DLEC1: variants seen among roughly 807,000 people sequenced by gnomAD.
DLEC1 encodes the protein deleted in lung and esophageal cancer protein 1.
DLEC1 carries 146 observed loss-of-function variants against 198.1 expected under a neutral mutation model. The ratio of observed to expected loss-of-function variants is 0.74; its 90% confidence interval spans 0.64 to 0.85. DLEC1 has a LOEUF of 0.85. Ranked by LOEUF, DLEC1 falls within the 40% of genes least tolerant of loss-of-function variation. The pLI, the probability that DLEC1 is intolerant of heterozygous loss-of-function variation, is 0.00. For synonymous variants in DLEC1, 897 were observed against 866.8 expected (o/e 1.03, Z -0.61); for missense variants, 2,233 against 2,220.0 (o/e 1.01, Z -0.12).
rs144082691 is a variant in DLEC1 at position 38,072,778 on chromosome 3, G to C, written c.1173+8859G>C. 8.0e-3 allele frequency among the ~76,000 whole-genome samples: 1,220 copies of C among 152,290 alleles called. 3 individuals carry two copies. The highest frequency in any genetic ancestry group is 0.014 in the Middle Eastern group (4 of 294). ...CGGGCACGATTGGCAGGGAGAGCAC[G>C]TGTGTTTTTATGAAGAATTATGCCG... On this transcript the variant is annotated intron_variant, in intron 6 of 36. Transcript: ENST00000308059.
chr3:38,057,252 A>C (rs1696422216), intron 2 of DLEC1, among the ~76,000 whole-genome samples: 1 of 152,254 alleles, frequency 6.6e-6, no homozygotes. Context: ...GTACTTTGGG[A>C]GGCCAAGGCG....
At chr3:38,041,834 C>T (rs1451782754) in intron 1 of DLEC1, among the ~76,000 whole-genome samples, 12 of 128,232 alleles carry the variant, frequency 9.4e-5, no homozygotes, top group Admixed American at 4.6e-4. Context: ...GGCGACAGAA[C>T]GAGACTCCGT....
chr3:38,059,590 G>T, intron 2 of DLEC1, 152 bp from the exon 3 acceptor site: 1 of 642,278 alleles, frequency 1.6e-6, no homozygotes, highest in Non-Finnish European at 2.7e-6. Flanking sequence ...ATAGATACTT[G>T]ATGAGTTTCT....
Position 38,083,131 on chromosome 3 carries a change from T to C in DLEC1, c.1174-1027T>C, listed in dbSNP as rs945464305. Among the ~76,000 whole-genome samples the C allele has an allele frequency of 2.0e-5, 3 of 151,670 alleles. No individual in the cohort carries two copies. In the East Asian group the frequency reaches 5.8e-4, roughly 29 times the overall value. On this transcript the variant is annotated intron_variant, in intron 6 of 36. Coordinates refer to ENST00000308059, the MANE Select transcript of DLEC1 (RefSeq NM_007335.4). ...CTTACCGGATTTGAAATTGGTGAGATGTTTCTTGGGCTCATCGGTCTGAGG... is the reference window on the plus strand; with the variant it reads ...CTTACCGGATTTGAAATTGGTGAGACGTTTCTTGGGCTCATCGGTCTGAGG...
chr3:38,097,535 G>A lies in DLEC1; in HGVS notation c.2463G>A (p.Leu821=), dbSNP rs376918899. ...IEPSEVGDFE[L]NFTGGVPGPT... is the part of the protein sequence containing the mutation. Reference sequence around the variant, plus strand: ...CCAGTGAGGTCGGGGATTTTGAGTTGAACTTTACTGGGGGTGTCCCTGGCC... The same window carrying A: ...CCAGTGAGGTCGGGGATTTTGAGTTAAACTTTACTGGGGGTGTCCCTGGCC... Residue 821 remains leucine, a synonymous_variant, in exon 17 of 37, where the codon TTG becomes TTA. Coordinates refer to ENST00000308059, the MANE Select transcript of DLEC1 (RefSeq NM_007335.4). The A allele has an allele frequency of 6.8e-6, 11 of 1,614,162 alleles. No homozygotes were observed. The highest frequency in any genetic ancestry group is 1.6e-4 in the Middle Eastern group (1 of 6,062).
chr3:38,073,414 G>T (rs1270981248), intron 6 of DLEC1, among the ~76,000 whole-genome samples: 2 of 152,122 alleles, frequency 1.3e-5, no homozygotes, highest in Non-Finnish European at 2.9e-5. Flanking sequence ...TGGGATATTG[G>T]CATTGAGTGG....
intron 6 of DLEC1, among the ~76,000 whole-genome samples, chr3:38,064,828 A>G (rs1426516236): frequency 7.1e-5 from 10 of 140,102 alleles, no homozygotes; most frequent in East Asian, 4.5e-4. Flanking sequence ...GATGACGGCC[A>G]GGAAGAGGCG....
chr3:38,054,331 G>A (rs907462650), intron 2 of DLEC1, among the ~76,000 whole-genome samples: 2 of 152,224 alleles, frequency 1.3e-5, no homozygotes, highest in Admixed American at 6.5e-5. Context: ...TGAGGGCAGC[G>A]TGCAGGCGCC....
Position 38,107,641 on chromosome 3 carries a change from G to A in DLEC1, c.2922G>A (p.Gln974=). 2 of 1,614,080 alleles carry A rather than the reference G, an allele frequency of 1.2e-6. No homozygotes were observed. The highest frequency in any genetic ancestry group is 8.5e-7 in the Non-Finnish European group (1 of 1,179,990). ...CCCATGTGTACCTACAGAGCAGCCA[G>A]GTGGAGGTTAGAAATCTCTACCTGG... ...QKPHVYLQSS[Q]VEVRNLYLGV... is the part of the protein sequence containing the mutation. The change falls in exon 20 of 37, where the codon CAG becomes CAA. Residue 974 remains glutamine, a synonymous_variant. Coordinates refer to ENST00000308059, the MANE Select transcript of DLEC1 (RefSeq NM_007335.4).
chr3:38,072,969 G>T (rs1482491555), intron 6 of DLEC1, among the ~76,000 whole-genome samples: 3 of 152,234 alleles, frequency 2.0e-5, no homozygotes, highest in Non-Finnish European at 4.4e-5. Flanking sequence ...AGAAGCGGAG[G>T]GGTGGAAAGA....
At chr3:38,088,966 G>A (rs1454166338) in intron 10 of DLEC1, among the ~76,000 whole-genome samples, 1 of 152,098 alleles carries the variant, frequency 6.6e-6, no homozygotes, top group African/African-American at 2.4e-5. Flanking sequence ...GTGCCCATGA[G>A]AAATGGTGAT....
chr3:38,109,646 A>G, intron 22 of DLEC1, 84 bp downstream of exon 22: 2 of 1,596,634 alleles, frequency 1.3e-6, no homozygotes, highest in Admixed American at 1.7e-5. Context: ...GCACTGTGGT[A>G]TCAGTCTGCG....
intron 20 of DLEC1, 152 bp downstream of exon 20, chr3:38,107,889 G>T (rs1295467760): frequency 1.1e-6 from 1 of 893,832 alleles, no homozygotes; most frequent in East Asian, 2.8e-5. Context: ...GTGCATAAAA[G>T]CTCCTCAAAG....
chr3:38,098,122 G>A (rs954604339), intron 18 of DLEC1, among the ~76,000 whole-genome samples: 2 of 152,158 alleles, frequency 1.3e-5, no homozygotes, highest in African/African-American at 2.4e-5. Context: ...AGCATTTCCT[G>A]TGCCTTTCAC....
intron 35 of DLEC1, 112 bp downstream of exon 35, chr3:38,121,893 G>A (rs1039815519): frequency 2.5e-4 from 372 of 1,515,978 alleles, no homozygotes; most frequent in Middle Eastern, 3.6e-4. Flanking sequence ...TCCCAGGGCA[G>A]GCACCACTTG....
chr3:38,109,096 T>C (rs1699723064), intron 21 of DLEC1, among the ~76,000 whole-genome samples: 1 of 152,122 alleles, frequency 6.6e-6, no homozygotes, highest in African/African-American at 2.4e-5. Flanking sequence ...GGCCCAGGTG[T>C]GGAACAGATC....
intron 6 of DLEC1, among the ~76,000 whole-genome samples, chr3:38,079,735 C>G (rs1413127192): frequency 1.3e-5 from 2 of 152,090 alleles, no homozygotes; most frequent in Non-Finnish European, 2.9e-5. Context: ...TTCTGGCACT[C>G]GTAGCAAGCT....
At chr3:38,105,652 T>C (rs1458503600) in intron 19 of DLEC1, among the ~76,000 whole-genome samples, 2 of 152,168 alleles carry the variant, frequency 1.3e-5, no homozygotes, top group Non-Finnish European at 2.9e-5. Flanking sequence ...AAACTATTTG[T>C]GTCTTTGAAT....
At position 38,122,747 on chromosome 3, in the gene DLEC1, C is replaced by T. The variant is rs1700557396; in HGVS notation, c.*335C>T. The T allele has an allele frequency of 5.5e-6, 7 of 1,280,106 alleles. No individual in the cohort carries two copies. In the Admixed American group the frequency reaches 1.8e-4, roughly 33 times the overall value. 79.3% of individuals were successfully genotyped at this position (1,280,106 alleles called of 1,614,324 possible). A position where few individuals can be genotyped will look rare whatever the true frequency, so the allele number is the denominator to read the frequency against. On this transcript the variant is annotated 3_prime_UTR_variant, in exon 37 of 37. Transcript: ENST00000308059. ...ATGCACTTTTACTATGCCCATTGCA[C>T]TTCTCATCCATGGATTTGCCTTGCC...
Sources: gnomAD v4.1 joint callset for allele counts (sites outside exome capture counted in the v4.1 genomes callset) on GRCh38, gnomAD v4.1.1 for gene constraint, MANE v1.5 for transcripts, NCBI Gene and HGNC (gene_info 2026-07-23, HGNC 2026-07-21) for gene names.